RUNX1T1: variants seen among roughly 807,000 people sequenced by gnomAD.
RUNX1T1 encodes RUNX1 partner transcriptional co-repressor 1, also known as protein CBFA2T1.
In RUNX1T1, 4 loss-of-function variants were observed where a neutral mutation model predicts 62.8. The observed-to-expected ratio is 0.06, with a 90% CI of 0.03 to 0.15. The LOEUF is 0.15. Among genes scored for constraint, RUNX1T1 ranks in the 10% least tolerant of loss-of-function variants. RUNX1T1 has a pLI of 1.00. For missense variants in RUNX1T1, 508 were observed against 754.3 expected (o/e 0.67, Z 3.82); for synonymous variants, 291 against 286.0 (o/e 1.02, Z -0.18).
At position 91,986,758 on chromosome 8, in the gene RUNX1T1, AT is replaced by A. The variant is rs763709185; in HGVS notation, c.996+128del. The A allele has an allele frequency of 2.6e-4, 172 of 662,362 alleles. 1 individual carries two copies. Among genetic ancestry groups the A allele is most frequent in the South Asian group, 3.2e-4 (18 of 56,864 alleles). 41.0% of individuals were successfully genotyped at this position (662,362 alleles called of 1,614,324 possible). ...TATTCTACTTCAGATATTCTCGCTC[AT>A]TTTTTTTTCAAGGATAGCAGGAAAA... On this transcript the variant is annotated intron_variant, in intron 7 of 10. Coordinates refer to ENST00000396218, the Ensembl canonical transcript of RUNX1T1.
intron 1 of RUNX1T1, among the ~76,000 whole-genome samples, chr8:92,026,590 G>A (rs1825188482): frequency 6.6e-6 from 1 of 152,222 alleles, no homozygotes; most frequent in South Asian, 2.1e-4. Context: ...GGGAGGCTGA[G>A]GCAGGCGGAT....
At chr8:92,019,685 A>G (rs1214006901) in intron 1 of RUNX1T1, among the ~76,000 whole-genome samples, 2 of 152,178 alleles carry the variant, frequency 1.3e-5, no homozygotes, top group African/African-American at 4.8e-5. Flanking sequence ...CACCCTAAAA[A>G]AAATAAACTA....
intron 8 of RUNX1T1, chr8:91,979,849 A>G (rs1563656437): frequency 5.6e-6 from 3 of 532,126 alleles, no homozygotes; most frequent in Non-Finnish European, 7.3e-6. Flanking sequence ...ATGAGCTGAT[A>G]GCCTTTGGAG....
At chr8:91,991,772 G>A (rs1340681323) in exon 6 of RUNX1T1, 2 of 1,614,004 alleles carry the variant, frequency 1.2e-6, no homozygotes, top group Non-Finnish European at 1.7e-6. Context: ...GCAGGCCATT[G>A]GGCTGGTAGG....
chr8:92,002,250 C>CAA (rs1036471332), intron 5 of RUNX1T1, among the ~76,000 whole-genome samples: 1 of 152,000 alleles, frequency 6.6e-6, no homozygotes, highest in African/African-American at 2.4e-5. Flanking sequence ...CACAGACCTA[C>CAA]AAAATCAGTA....
At chr8:92,081,358 T>C (rs1835230823) in intron 1 of RUNX1T1, 3 of 398,012 alleles carry the variant, frequency 7.5e-6, no homozygotes, top group Admixed American at 6.4e-5. Flanking sequence ...CAAAGGTCAC[T>C]ACTCAAAAAT....
chr8:92,017,121 A>G, intron 2 of RUNX1T1, 105 bp downstream of exon 3: 1 of 852,014 alleles, frequency 1.2e-6, no homozygotes, highest in Non-Finnish European at 1.9e-6. Context: ...ATTTCTGCAT[A>G]ATACATTGAT....
upstream of RUNX1T1, among the ~76,000 whole-genome samples, chr8:92,065,591 T>C (rs1049145749): frequency 6.6e-6 from 1 of 152,228 alleles, no homozygotes; most frequent in Admixed American, 6.5e-5. Flanking sequence ...TCTGACAACT[T>C]TAGATCATTC....
At chr8:91,999,328 G>A (rs1038124876) in intron 5 of RUNX1T1, among the ~76,000 whole-genome samples, 1 of 152,174 alleles carries the variant, frequency 6.6e-6, no homozygotes, top group Non-Finnish European at 1.5e-5. Context: ...TTGTGGCTCT[G>A]CTATTTGCTG....
chr8:91,991,982 A>T, intron 5 of RUNX1T1, 93 bp from the exon 7 acceptor site: 1 of 1,356,982 alleles, frequency 7.4e-7, no homozygotes, highest in Non-Finnish European at 1.0e-6. Context: ...TAAAAACAGA[A>T]TATTTTTTAT....
intron 1 of RUNX1T1, among the ~76,000 whole-genome samples, chr8:92,082,971 A>C (rs1415683757): frequency 6.6e-6 from 1 of 152,160 alleles, no homozygotes; most frequent in Non-Finnish European, 1.5e-5. Flanking sequence ...CTGGTAGGGA[A>C]AATCTGGAAG....
downstream of RUNX1T1, chr8:91,955,965 A>C (rs1437415770): frequency 4.3e-6 from 1 of 229,908 alleles, no homozygotes; most frequent in Non-Finnish European, 8.6e-6. Context: ...TACATAACCA[A>C]GAGTGACAAT....
intron 5 of RUNX1T1, among the ~76,000 whole-genome samples, chr8:91,994,061 C>T (rs545636944): frequency 1.2e-4 from 18 of 152,182 alleles, no homozygotes; most frequent in Middle Eastern, 3.4e-3. Flanking sequence ...AGAACATGCC[C>T]ACTACATACT....
At chr8:92,076,019 G>A in exon 2 of RUNX1T1, 2 of 1,611,304 alleles carry the variant, frequency 1.2e-6, no homozygotes, top group Non-Finnish European at 1.7e-6. Context: ...ACTAAACTCA[G>A]TGCTCTCCAA....
intron 1 of RUNX1T1, among the ~76,000 whole-genome samples, chr8:92,021,786 G>T (rs1426212795): frequency 1.3e-5 from 2 of 151,776 alleles, no homozygotes; most frequent in Admixed American, 1.3e-4. Context: ...TCATTCTCTT[G>T]TGTCTTCAAC....
At chr8:91,966,164 T>C (rs1385848313) in intron 10 of RUNX1T1, among the ~76,000 whole-genome samples, 2 of 120,426 alleles carry the variant, frequency 1.7e-5, no homozygotes, top group South Asian at 4.8e-4. Context: ...ATTGTATAAC[T>C]ATATATATAT....
chr8:91,956,477 G>C, downstream of RUNX1T1: 1 of 226,986 alleles, frequency 4.4e-6, no homozygotes, highest in East Asian at 6.3e-5. Flanking sequence ...GCACACCGGG[G>C]ACGAGGGAGA....
At chr8:92,086,430 G>A (rs1170361890) in intron 1 of RUNX1T1, among the ~76,000 whole-genome samples, 1 of 152,206 alleles carries the variant, frequency 6.6e-6, no homozygotes, top group Admixed American at 6.5e-5. Context: ...ACTCAAAGAA[G>A]AGTTTGAAAT....
At chr8:91,983,359 A>T (rs1016095621) in intron 8 of RUNX1T1, among the ~76,000 whole-genome samples, 1 of 152,174 alleles carries the variant, frequency 6.6e-6, no homozygotes, top group African/African-American at 2.4e-5. Flanking sequence ...GGTACAACAC[A>T]TCAATCATGA....
Sources: allele counts gnomAD v4.1 joint callset (sites outside exome capture counted in the v4.1 genomes callset), GRCh38; gene constraint gnomAD v4.1.1; transcripts MANE v1.5; gene names NCBI Gene and HGNC (gene_info 2026-07-23, HGNC 2026-07-21).